Variants in CTCFL observed in about 807,000 individuals in gnomAD.
CTCFL encodes CCCTC-binding factor like, also known as transcriptional repressor CTCFL.
Under a neutral mutation model 67.4 loss-of-function variants are expected in CTCFL, and 36 were observed. That is an observed-to-expected ratio of 0.53 (90% CI 0.41 to 0.71). CTCFL has a LOEUF of 0.71. CTCFL is among the 30% of genes least tolerant of loss of function. The pLI, the probability that CTCFL is intolerant of heterozygous loss-of-function variation, is 0.00. For synonymous variants in CTCFL, 324 were observed against 302.3 expected, an observed-to-expected ratio of 1.07 and a Z score of -0.75; for missense variants, 786 against 835.2, an observed-to-expected ratio of 0.94 and a Z score of 0.73.
chr20:57,508,877 C>A, intron 8 of CTCFL, 89 bp from the exon 9 acceptor site: 1 of 1,210,750 alleles, frequency 8.3e-7, no homozygotes. Context: ...CCTTTTATTT[C>A]CCTCCCCAAA....
chr20:57,496,264 G>A (rs761857962), downstream of CTCFL: 13 of 687,338 alleles, frequency 1.9e-5, no homozygotes, highest in Non-Finnish European at 2.9e-5. Context: ...CATGTGACGC[G>A]CCTACTCCCT....
intron 2 of CTCFL, 40 bp downstream of exon 2, chr20:57,523,623 C>A: frequency 6.4e-7 from 1 of 1,566,878 alleles, no homozygotes; most frequent in Non-Finnish European, 8.6e-7. Context: ...TGAATTTTTT[C>A]TTTTTCATGT....
intron 10 of CTCFL, among the ~76,000 whole-genome samples, chr20:57,500,849 C>G (rs1290810005): frequency 1.3e-5 from 2 of 152,092 alleles, no homozygotes; most frequent in Admixed American, 1.3e-4. Flanking sequence ...AACCAAAAAC[C>G]AAACCAAAAC....
chr20:57,512,849 T>A lies in CTCFL; in HGVS notation c.1331-97A>T. 1.5e-5 allele frequency: 17 copies of A among 1,169,448 alleles called. No homozygotes were observed. The South Asian group carries it at 2.4e-4, about 17-fold the overall frequency. The allele number at this position is 1,169,448 out of a possible 1,614,324, so 72.4% of individuals were successfully genotyped here. On this transcript the variant is annotated intron_variant, in intron 7 of 10. Coordinates refer to ENST00000243914, the MANE Select transcript of CTCFL (RefSeq NM_001386993.1). ...AACCGGGGTTTCTCAGCCTTGGCGC[T>A]GGAACATGCTAGTTCCTTCCTGGGC...
At chr20:57,515,610 CT>C in intron 6 of CTCFL, 103 bp downstream of exon 6, 1 of 1,497,394 alleles carries the variant, frequency 6.7e-7, no homozygotes, top group Non-Finnish European at 9.2e-7. Flanking sequence ...CAAAAATCCA[CT>C]TTTACCTTTG....
At chr20:57,520,953 G>A (rs1038733738) in intron 3 of CTCFL, among the ~76,000 whole-genome samples, 16 of 152,220 alleles carry the variant, frequency 1.1e-4, no homozygotes, top group Non-Finnish European at 2.4e-4. Context: ...AAGAGATGTA[G>A]AGACATACAG....
At chr20:57,507,382 G>C (rs999553301) in intron 9 of CTCFL, 3 of 574,402 alleles carry the variant, frequency 5.2e-6, no homozygotes, top group African/African-American at 1.9e-5. Flanking sequence ...TTTTAAAGTA[G>C]AGACAGGGTT....
chr20:57,507,486 C>T (rs1422105558), intron 9 of CTCFL: 1 of 676,016 alleles, frequency 1.5e-6, no homozygotes, highest in Non-Finnish European at 2.7e-6. Context: ...GTGTGAGCCC[C>T]CACAGCTGGC....
intron 7 of CTCFL, chr20:57,513,906 T>A (rs2068724356): frequency 7.8e-7 from 1 of 1,288,340 alleles, no homozygotes. Flanking sequence ...CACTCACGCT[T>A]CCCACACCCT....
intron 10 of CTCFL, chr20:57,500,326 G>A: frequency 2.0e-6 from 1 of 494,422 alleles, no homozygotes; most frequent in Non-Finnish European, 3.2e-6. Context: ...GTGGTGGCGG[G>A]CATCTGTAAT....
chr20:57,497,396 A>C lies in CTCFL; in HGVS notation c.*1154T>G. On this transcript the variant is annotated 3_prime_UTR_variant, in exon 11 of 11. Coordinates refer to ENST00000243914, the MANE Select transcript of CTCFL (RefSeq NM_001386993.1). ...ATATTCACATTGTATAGGGATTCTG[A>C]ACTTGTGATATTTTCAATAAAAGGT... 1 of 985,108 alleles carries C rather than the reference A, an allele frequency of 1.0e-6. No homozygotes were observed. The allele number at this position is 985,108 out of a possible 1,614,324, so 61.0% of individuals were successfully genotyped here.
chr20:57,505,033 T>C (rs776394694), intron 9 of CTCFL, among the ~76,000 whole-genome samples: 1 of 151,860 alleles, frequency 6.6e-6, no homozygotes, highest in Non-Finnish European at 1.5e-5. Context: ...CCAGTTTGGT[T>C]CTATAACAAG....
intron 9 of CTCFL, chr20:57,506,975 TA>T: frequency 3.0e-6 from 3 of 984,958 alleles, no homozygotes; most frequent in Non-Finnish European, 3.6e-6. Flanking sequence ...TAAGAAGAAA[TA>T]TTTTTAAAAA....
At chr20:57,499,089 G>GGGA (rs2067794332) in intron 10 of CTCFL, among the ~76,000 whole-genome samples, 1 of 131,126 alleles carries the variant, frequency 7.6e-6, no homozygotes, top group Non-Finnish European at 1.7e-5. Context: ...GGGGGTGGGG[G>GGGA]GGGGACACAG....
chr20:57,503,580 C>G lies in CTCFL; in HGVS notation c.1696G>C (p.Glu566Gln). 6.2e-7 allele frequency: 1 copy of G among 1,614,152 alleles called. No homozygotes were observed. Among genetic ancestry groups the G allele is most frequent in the Non-Finnish European group, 8.5e-7 (1 of 1,180,032 alleles). ...SRWINLHRHS[E>Q]KCGSGEAKSA... is the part of the protein sequence containing the mutation. ...TTTGCTTCCCCTGATCCACACTTCT[C>G]CGAATGTCTGTGCAGGTTAATCTGT... Residue 566 changes from glutamate to glutamine, a missense_variant, in exon 10 of 11, where the codon GAG (glutamate) becomes CAG (glutamine). By Grantham distance (29) the Glu-to-Gln change is conservative. Transcript: ENST00000243914.
chr20:57,515,862 G>C, intron 5 of CTCFL, 28 bp from the exon 6 acceptor site: 2 of 1,586,276 alleles, frequency 1.3e-6, no homozygotes, highest in South Asian at 2.3e-5. Flanking sequence ...GATGTTCGTT[G>C]CAATAGAAAC....
chr20:57,507,398 A>G (rs2068268380), intron 9 of CTCFL: 1 of 594,390 alleles, frequency 1.7e-6, no homozygotes, highest in Non-Finnish European at 3.0e-6. Context: ...GGGTTTCACC[A>G]TGTTGGCCAG....
Position 57,523,099 on chromosome 20 carries a change from G to A in CTCFL, c.723C>T (p.Ala241=), listed in dbSNP as rs757286375. The change falls in exon 3 of 11, where the codon GCC becomes GCT. Residue 241 remains alanine (A), a synonymous_variant. Transcript: ENST00000243914. The part of the protein sequence containing the change: ...PTAGQADAEK[A]KSTKNQRKTK... ...TCTTTCTTTGATTTTTTGTAGATTTGGCCTTTTCAGCATCTGCTTGACCAG... is the reference window on the plus strand; with the variant it reads ...TCTTTCTTTGATTTTTTGTAGATTTAGCCTTTTCAGCATCTGCTTGACCAG... 2.5e-6 allele frequency: 4 copies of A among 1,613,628 alleles called. No individual in the cohort carries two copies. The highest frequency in any genetic ancestry group is 3.4e-6 in the Non-Finnish European group (4 of 1,179,868).
chr20:57,504,372 C>T lies in CTCFL; in HGVS notation c.1675-771G>A, dbSNP rs374848586. Among the ~76,000 whole-genome samples, 42 of 150,722 alleles carry T rather than the reference C, an allele frequency of 2.8e-4. No homozygotes were observed. In the East Asian group the frequency reaches 3.1e-3, roughly 11 times the overall value. ...TCAGCTCACTGCAACCTCTACTTCC[C>T]AGGTTCAAGCGATTCTCCTGCCTTA... On this transcript the variant is annotated intron_variant, in intron 9 of 10. Coordinates refer to ENST00000243914, the MANE Select transcript of CTCFL (RefSeq NM_001386993.1).
Sources: allele counts gnomAD v4.1 joint callset (sites outside exome capture counted in the v4.1 genomes callset), GRCh38; gene constraint gnomAD v4.1.1; transcripts MANE v1.5; gene names NCBI Gene and HGNC (gene_info 2026-07-23, HGNC 2026-07-21).